Variants in RSPH14 observed in about 807,000 individuals in gnomAD.
RSPH14 encodes rhabdoid tumor deletion region gene 1.
RSPH14 carries 20 observed loss-of-function variants against 26.7 expected under a neutral mutation model. That is an observed-to-expected ratio of 0.75 (90% confidence interval 0.53 to 1.09). The LOEUF (loss-of-function observed/expected upper bound fraction) is 1.09. Ranked by LOEUF, RSPH14 falls within the 50% of genes least tolerant of loss-of-function variation. The pLI is 0.00. For synonymous variants in RSPH14, 177 were observed against 189.3 expected (o/e 0.93, Z 0.53); for missense variants, 449 against 457.2 (o/e 0.98, Z 0.16).
chr22:23,080,847 C>T (rs932480838), intron 4 of RSPH14, among the ~76,000 whole-genome samples: 1 of 152,234 alleles, frequency 6.6e-6, no homozygotes, highest in African/African-American at 2.4e-5. Flanking sequence ...TTACCTCTGT[C>T]ATCAGCACTC....
At chr22:23,061,348 A>G (rs1447558891) in intron 6 of RSPH14, among the ~76,000 whole-genome samples, 2 of 152,168 alleles carry the variant, frequency 1.3e-5, no homozygotes, top group African/African-American at 4.8e-5. Flanking sequence ...GGGAGTCCCA[A>G]GGTAGGGGGC....
At chr22:23,163,420 AG>A in the RSPH14 span, 1 of 148,404 alleles carries the variant, frequency 6.7e-6, no homozygotes, top group Non-Finnish European at 1.5e-5. Context: ...TAGTAGAGAG[AG>A]GTTTCACCGT....
the RSPH14 span, chr22:23,164,021 T>C: frequency 1.3e-5 from 2 of 152,258 alleles, no homozygotes; most frequent in Admixed American, 6.5e-5. Flanking sequence ...CTTGTAGTTA[T>C]AGCTTTGCGT....
chr22:23,156,205 G>T, the RSPH14 span: 1 of 587,376 alleles, frequency 1.7e-6, no homozygotes, highest in South Asian at 2.0e-5. Context: ...TCATCCCCAG[G>T]CACTGGCTGA....
chr22:23,150,553 G>A, the RSPH14 span, among the ~76,000 whole-genome samples: 3 of 151,748 alleles, frequency 2.0e-5, no homozygotes, highest in East Asian at 1.9e-4. Context: ...AGCCTGCCTC[G>A]GCCTCCCAAA....
chr22:23,059,441 T>C lies in RSPH14; in HGVS notation c.*21A>G. 6.3e-7 allele frequency: 1 copy of C among 1,577,376 alleles called. No homozygotes were observed. Among genetic ancestry groups the C allele is most frequent in the Non-Finnish European group, 8.6e-7 (1 of 1,157,902 alleles). On this transcript the variant is annotated 3_prime_UTR_variant, in exon 7 of 7. Coordinates refer to ENST00000216036, the MANE Select transcript of RSPH14 (RefSeq NM_014433.3). ...AAAGAGACTTAGCACATTTATTCACTCACAGAGGTGAATGAAGGGCTCAGG... is the reference window on the plus strand; with the variant it reads ...AAAGAGACTTAGCACATTTATTCACCCACAGAGGTGAATGAAGGGCTCAGG...
intron 4 of RSPH14, among the ~76,000 whole-genome samples, chr22:23,086,605 T>A (rs2068827747): frequency 6.6e-6 from 1 of 152,134 alleles, no homozygotes; most frequent in South Asian, 2.1e-4. Flanking sequence ...GACCCCACCA[T>A]GCCCAGCTTC....
upstream of RSPH14, among the ~76,000 whole-genome samples, chr22:23,143,381 C>T (rs994158104): frequency 6.6e-6 from 1 of 151,974 alleles, no homozygotes; most frequent in Non-Finnish European, 1.5e-5. Flanking sequence ...AGATATGCTT[C>T]TTTCTGCATT....
At chr22:23,094,153 G>A (rs1315621757) in intron 4 of RSPH14, among the ~76,000 whole-genome samples, 2 of 152,158 alleles carry the variant, frequency 1.3e-5, no homozygotes, top group African/African-American at 2.4e-5. Context: ...TTAAAGGGGC[G>A]AATGCTGCCT....
intron 4 of RSPH14, among the ~76,000 whole-genome samples, chr22:23,105,783 G>A (rs886459739): frequency 6.6e-6 from 1 of 152,232 alleles, no homozygotes; most frequent in Non-Finnish European, 1.5e-5. Context: ...GGGAGCAGGG[G>A]TGCAGGTTAC....
chr22:23,069,070 G>T, intron 4 of RSPH14, among the ~76,000 whole-genome samples: 1 of 152,194 alleles, frequency 6.6e-6, no homozygotes, highest in East Asian at 1.9e-4. Flanking sequence ...GGTACGTAAC[G>T]CAATGGTCTC....
chr22:23,159,249 G>T, the RSPH14 span: 31 of 1,589,300 alleles, frequency 2.0e-5, no homozygotes, highest in Non-Finnish European at 2.6e-5. Context: ...TGTCGGCCAA[G>T]ACTGGTGAGT....
In RSPH14 at chr22:23,140,352, A is replaced by G. The variant is rs747426939; in HGVS notation, c.69T>C (p.Tyr23=). 17 of 1,614,220 alleles carry G rather than the reference A, an allele frequency of 1.1e-5. No individual in the cohort carries two copies. The South Asian group carries it at 1.9e-4, about 18-fold the overall frequency. ...NINATQITTA[Y]GHRALPKLKE... ...TCAGCTTGGGCAGGGCCCGATGGCCATAGGCAGTGGTAATCTGGGTGGCAT... is the reference window on the plus strand; with the variant it reads ...TCAGCTTGGGCAGGGCCCGATGGCCGTAGGCAGTGGTAATCTGGGTGGCAT... Residue 23 remains tyrosine (Y), a synonymous_variant, in exon 2 of 7, where the codon TAT becomes TAC. Transcript: ENST00000216036.
chr22:23,152,824 TA>T, the RSPH14 span, among the ~76,000 whole-genome samples: 1 of 152,200 alleles, frequency 6.6e-6, no homozygotes, highest in African/African-American at 2.4e-5. Context: ...GCTCAGTTTC[TA>T]ACTCACAGCT....
chr22:23,135,317 C>CA (rs55649510), intron 3 of RSPH14, among the ~76,000 whole-genome samples: 3,573 of 85,658 alleles, frequency 0.042, 121 homozygotes, highest in African/African-American at 0.12. Flanking sequence ...ACTAAAAATA[C>CA]AAAAAAAAAA....
At chr22:23,112,830 A>C (rs952070890) in intron 4 of RSPH14, among the ~76,000 whole-genome samples, 2 of 152,122 alleles carry the variant, frequency 1.3e-5, no homozygotes, top group African/African-American at 4.8e-5. Context: ...GCAGGGAGCA[A>C]GGTGGCCAGT....
Position 23,124,216 on chromosome 22 carries a change from T to G in RSPH14, c.421+9810A>C, listed in dbSNP as rs1420038253. 6 of 152,050 alleles carry G rather than the reference T, an allele frequency of 3.9e-5. No individual in the cohort carries two copies. The East Asian group carries it at 6.0e-4, about 15-fold the overall frequency. The allele number at this position is 152,050 out of a possible 1,614,324, so 9.4% of individuals were successfully genotyped here. A position where few individuals can be genotyped will look rare whatever the true frequency, so the allele number is the denominator to read the frequency against. ...TTTTTTTTTTGTTTTGTTTTTTGGT[T>G]TTTTTTTTTTTTTGGCCAAATCTCG... is the stretch of plus-strand genomic sequence containing the variant. On this transcript the variant is annotated intron_variant, in intron 4 of 6. Coordinates refer to ENST00000216036, the MANE Select transcript of RSPH14 (RefSeq NM_014433.3).
chr22:23,090,670 CCTT>C (rs1477551612), intron 4 of RSPH14, among the ~76,000 whole-genome samples: 1 of 152,210 alleles, frequency 6.6e-6, no homozygotes, highest in East Asian at 1.9e-4. Context: ...TTGCCTCCCT[CCTT>C]CACCACCTGT....
chr22:23,162,397 C>G, the RSPH14 span: 1 of 347,658 alleles, frequency 2.9e-6, no homozygotes. Context: ...GAACATGGCA[C>G]TGCCCTCCTC....
Sources: gnomAD v4.1 joint callset for allele counts (sites outside exome capture counted in the v4.1 genomes callset) on GRCh38, gnomAD v4.1.1 for gene constraint, MANE v1.5 for transcripts, NCBI Gene and HGNC (gene_info 2026-07-23, HGNC 2026-07-21) for gene names.